The following ZNF560 variants were observed in gnomAD, a reference collection of about 807,000 sequenced individuals.
The protein encoded by ZNF560 is zinc finger protein 560.
ZNF560 carries 54 observed loss-of-function variants against 81.8 expected under a neutral mutation model. The ratio of observed to expected loss-of-function variants is 0.66; its 90% confidence interval spans 0.53 to 0.83. The LOEUF is 0.83. Ranked by LOEUF, ZNF560 falls within the 40% of genes least tolerant of loss-of-function variation. The probability of loss-of-function intolerance (pLI) is 0.00; values close to 1 mark genes in which losing one functional copy is unlikely to be tolerated. For missense variants in ZNF560, 940 were observed against 932.4 expected (o/e 1.01, Z -0.11); for synonymous variants, 321 against 317.9 (o/e 1.01, Z -0.10).
upstream of ZNF560, among the ~76,000 whole-genome samples, chr19:9,503,196 G>A (rs764265761): frequency 1.3e-5 from 2 of 152,034 alleles, no homozygotes; most frequent in Non-Finnish European, 2.9e-5. Flanking sequence ...ACTGCAGCTT[G>A]GGGGACCAGA....
At chr19:9,471,411 T>TC in intron 5 of ZNF560, 33 bp from the exon 6 acceptor site, 1 of 1,443,766 alleles carries the variant, frequency 6.9e-7, no homozygotes, top group Non-Finnish European at 9.3e-7. Context: ...GGTTTTTTTT[T>TC]TTTTTAAAAA....
At position 9,466,504 on chromosome 19, in the gene ZNF560, T is replaced by C. The variant is rs2073018423; in HGVS notation, c.*70A>G. The C allele has an allele frequency of 7.0e-7, 1 of 1,419,476 alleles. No homozygotes were observed. Among genetic ancestry groups the C allele is most frequent in the Non-Finnish European group, 9.6e-7 (1 of 1,045,920 alleles). The allele number at this position is 1,419,476 out of a possible 1,614,324, so 87.9% of individuals were successfully genotyped here. ...AGTGTTACTTTCTCCTGTGAATTTT[T>C]ACATGTTCAGTTAGGCTTGAGGAAA... On this transcript the variant is annotated 3_prime_UTR_variant, in exon 10 of 10. Transcript: ENST00000301480.
At chr19:9,494,067 G>T (rs1002528585) in intron 2 of ZNF560, among the ~76,000 whole-genome samples, 2 of 150,852 alleles carry the variant, frequency 1.3e-5, no homozygotes, top group African/African-American at 4.9e-5. Context: ...GGGAGGCGGA[G>T]GTTGCAGAGA....
intron 2 of ZNF560, among the ~76,000 whole-genome samples, chr19:9,479,547 A>T (rs1417981726): frequency 6.6e-6 from 1 of 152,194 alleles, no homozygotes; most frequent in Non-Finnish European, 1.5e-5. Context: ...AATAAGATAG[A>T]ATAATTATAA....
At chr19:9,458,886 G>A in the ZNF560 span, among the ~76,000 whole-genome samples, 20 of 152,212 alleles carry the variant, frequency 1.3e-4, no homozygotes, top group Admixed American at 6.5e-5. Context: ...TGTCACACAT[G>A]TTCCCTCGTT....
In ZNF560 at chr19:9,467,050, A is replaced by G. The variant is rs781459163; in HGVS notation, c.1897T>C (p.Cys633Arg). The G allele has an allele frequency of 1.9e-6, 3 of 1,614,108 alleles. No individual in the cohort carries two copies. The East Asian group carries it at 6.7e-5, about 36-fold the overall frequency. The change falls in exon 10 of 10, where the codon TGT (cysteine) becomes CGT (arginine). Residue 633 changes from cysteine (C) to arginine (R), a missense_variant. Transcript: ENST00000301480. ...GAGGAGACAACAAAGGCTTTCCCAC[A>G]GTCCTTATATTCATAGGGCTTATCT... Reference protein sequence around the residue: ...TGDKPYEYKDCGKAFVVSSSL... With the variant: ...TGDKPYEYKDRGKAFVVSSSL...
intron 5 of ZNF560, among the ~76,000 whole-genome samples, chr19:9,472,544 G>A (rs544266938): frequency 1.4e-4 from 21 of 152,234 alleles, no homozygotes; most frequent in African/African-American, 4.3e-4. Context: ...TAGTTTGCGC[G>A]CTCCTTTTGA....
In ZNF560 at chr19:9,470,503, C is replaced by G. The variant is rs1288749625; in HGVS notation, c.337G>C (p.Asp113His). The G allele has an allele frequency of 3.1e-6, 5 of 1,614,052 alleles. No homozygotes were observed. The highest frequency in any genetic ancestry group is 4.2e-6 in the Non-Finnish European group (5 of 1,180,040). Residue 113 changes from aspartate to histidine, a missense_variant, in exon 7 of 10, where the codon GAC becomes CAC. Physicochemically the swap from Asp to His is moderately conservative, Grantham distance 81. Coordinates refer to ENST00000301480, the MANE Select transcript of ZNF560 (RefSeq NM_152476.3). ...TGGGTGAACTCCACAGCCACACTGT[C>G]AAAGGTTACCAGGTCCTAAACCATC... ...NGIQMDLVTFDSVAVEFTQEE... is the reference protein window; with the variant it reads ...NGIQMDLVTFHSVAVEFTQEE...
At chr19:9,488,965 A>C (rs368250811) in intron 2 of ZNF560, among the ~76,000 whole-genome samples, 1 of 152,190 alleles carries the variant, frequency 6.6e-6, no homozygotes. Flanking sequence ...CTCCTGCCAT[A>C]TAAGATGTAC....
At chr19:9,455,112 G>C in the ZNF560 span, among the ~76,000 whole-genome samples, 4 of 152,090 alleles carry the variant, frequency 2.6e-5, no homozygotes, top group African/African-American at 7.2e-5. Flanking sequence ...TAGAAGAGAG[G>C]GTAATTTAGA....
In ZNF560 at chr19:9,468,061, C is replaced by T. The variant is rs773088365; in HGVS notation, c.886G>A (p.Asp296Asn). 115 of 1,614,052 alleles carry T rather than the reference C, an allele frequency of 7.1e-5. No homozygotes were observed. The highest frequency in any genetic ancestry group is 9.6e-5 in the Non-Finnish European group (113 of 1,180,048). ...CTQDKSFEGTDYGKAFIYQSY... is the reference protein window; with the variant it reads ...CTQDKSFEGTNYGKAFIYQSY... ...TGATAAATGAAGGCTTTCCCATAGT[C>T]AGTGCCTTCAAAGGATTTATCTTGT... Residue 296 changes from aspartate (D) to asparagine (N), a missense_variant, in exon 10 of 10, where the codon GAC (aspartate) becomes AAC (asparagine). Physicochemically the swap from Asp to Asn is conservative, Grantham distance 23 (BLOSUM62 1). Coordinates refer to ENST00000301480, the MANE Select transcript of ZNF560 (RefSeq NM_152476.3).
chr19:9,471,560 T>C (rs1045724028), intron 5 of ZNF560, among the ~76,000 whole-genome samples, 182 bp from the exon 6 acceptor site: 1 of 152,172 alleles, frequency 6.6e-6, no homozygotes, highest in Non-Finnish European at 1.5e-5. Context: ...AGGGTCAAAA[T>C]TTTAGCTAAT....
intron 2 of ZNF560, among the ~76,000 whole-genome samples, chr19:9,487,911 C>T (rs971366): frequency 0.1 from 15,237 of 152,194 alleles, 914 homozygotes; most frequent in South Asian, 0.2. Context: ...GGAACGAAGA[C>T]ATCTGGTTGG....
chr19:9,490,978 T>C (rs2073463208), intron 2 of ZNF560, among the ~76,000 whole-genome samples: 1 of 152,192 alleles, frequency 6.6e-6, no homozygotes, highest in Admixed American at 6.5e-5. Flanking sequence ...CACAAAACAT[T>C]GCAACACTCC....
At chr19:9,474,461 A>C (rs559681003) in intron 3 of ZNF560, 136 bp from the exon 4 acceptor site, 2 of 970,392 alleles carry the variant, frequency 2.1e-6, no homozygotes, top group African/African-American at 3.3e-5. Context: ...TAATAATCCC[A>C]GGTAAATCTC....
rs1377419316 is a variant in ZNF560, at chr19:9,468,029, G to A, written c.918C>T (p.Tyr306=). The change falls in exon 10 of 10, where the codon TAC becomes TAT. Residue 306 remains tyrosine (Y), a synonymous_variant. Coordinates refer to ENST00000301480, the MANE Select transcript of ZNF560 (RefSeq NM_152476.3). ...DYGKAFIYQS[Y]LEAHRKTQSG... ...TCTGAGTTTTCCTGTGTGCTTCAAG[G>A]TATGACTGATAAATGAAGGCTTTCC... The A allele has an allele frequency of 6.2e-7, 1 of 1,613,930 alleles. No homozygotes were observed. Among genetic ancestry groups the A allele is most frequent in the South Asian group, 1.1e-5 (1 of 91,078 alleles).
the ZNF560 span, among the ~76,000 whole-genome samples, chr19:9,447,437 A>G: frequency 1.3e-5 from 2 of 152,182 alleles, no homozygotes; most frequent in Non-Finnish European, 2.9e-5. Flanking sequence ...CTTGGCCTAC[A>G]GGGAAGCTCA....
intron 2 of ZNF560, among the ~76,000 whole-genome samples, chr19:9,480,957 G>C (rs145753105): frequency 6.6e-6 from 1 of 151,714 alleles, no homozygotes; most frequent in Non-Finnish European, 1.5e-5. Context: ...GGTGGTGCAC[G>C]CCTGTAGTCC....
chr19:9,468,180 T>G lies in ZNF560; in HGVS notation c.767A>C (p.Asn256Thr). 1 of 1,614,182 alleles carries G rather than the reference T, an allele frequency of 6.2e-7. No homozygotes were observed. Among genetic ancestry groups the G allele is most frequent in the Non-Finnish European group, 8.5e-7 (1 of 1,180,010 alleles). The change falls in exon 10 of 10, where the codon AAT (asparagine) becomes ACT (threonine). Residue 256 changes from asparagine to threonine, a missense_variant. By Grantham distance (65) the Asn-to-Thr change is moderately conservative (BLOSUM62 0). Coordinates refer to ENST00000301480, the MANE Select transcript of ZNF560 (RefSeq NM_152476.3). ...AACTTTCCTTATGGTAGAGGTTTTA[T>G]TGTATAGAGAAAGGAGGTCTTTTGC... ...QYAKDLLSLY[N>T]KTSTIRKVSV...
Sources: allele counts gnomAD v4.1 joint callset (sites outside exome capture counted in the v4.1 genomes callset), GRCh38; gene constraint gnomAD v4.1.1; transcripts MANE v1.5; gene names NCBI Gene and HGNC (gene_info 2026-07-23, HGNC 2026-07-21).